Variants in RASEF observed in about 807,000 individuals in gnomAD.
RASEF encodes RAS and EF-hand domain containing.
Under a neutral mutation model 90.1 loss-of-function variants are expected in RASEF, and 68 were observed. That is an observed-to-expected ratio of 0.75 (90% confidence interval 0.62 to 0.92). The LOEUF (loss-of-function observed/expected upper bound fraction) is 0.92. Ranked by LOEUF, RASEF falls within the 40% of genes least tolerant of loss-of-function variation. The pLI, the probability that RASEF is intolerant of heterozygous loss-of-function variation, is 0.00. For synonymous variants in RASEF, 331 were observed against 345.2 expected (o/e 0.96, Z 0.46); for missense variants, 949 against 937.2 (o/e 1.01, Z -0.16).
intron 14 of RASEF, among the ~76,000 whole-genome samples, chr9:82,996,576 T>A (rs777932194): frequency 6.6e-6 from 1 of 152,114 alleles, no homozygotes; most frequent in Non-Finnish European, 1.5e-5. Flanking sequence ...AGAGCTCCCA[T>A]ACAATTTGAA....
At chr9:83,155,552 CG>C in the RASEF span, among the ~76,000 whole-genome samples, 1 of 152,084 alleles carries the variant, frequency 6.6e-6, no homozygotes, top group African/African-American at 2.4e-5. Context: ...TATCTCCCAC[CG>C]GGTCCCTCCC....
chr9:83,057,590 A>G (rs894584089), intron 1 of RASEF, among the ~76,000 whole-genome samples: 3 of 152,112 alleles, frequency 2.0e-5, no homozygotes, highest in Admixed American at 1.3e-4. Flanking sequence ...CAGAAAAGGT[A>G]AAGAAACTTC....
the RASEF span, among the ~76,000 whole-genome samples, chr9:83,136,949 ACTT>A: frequency 6.6e-6 from 1 of 151,896 alleles, no homozygotes; most frequent in Admixed American, 6.6e-5. Flanking sequence ...AATTTTTTTT[ACTT>A]CTTCAAAAAT....
At chr9:83,028,168 A>G (rs1175976649) in intron 1 of RASEF, among the ~76,000 whole-genome samples, 1 of 152,238 alleles carries the variant, frequency 6.6e-6, no homozygotes, top group Non-Finnish European at 1.5e-5. Context: ...TGTTGGGGAT[A>G]GCTAATAATT....
At chr9:83,189,570 G>A in the RASEF span, among the ~76,000 whole-genome samples, 1 of 152,192 alleles carries the variant, frequency 6.6e-6, no homozygotes, top group African/African-American at 2.4e-5. Context: ...TCTTTGAAAA[G>A]CTGTAATCCC....
At chr9:83,123,594 A>G in the RASEF span, among the ~76,000 whole-genome samples, 1 of 132,230 alleles carries the variant, frequency 7.6e-6, no homozygotes, top group Admixed American at 7.1e-5. Context: ...AAGGAGCCCA[A>G]ACCCTCCAAC....
At chr9:82,983,737 G>A (rs542113599) in intron 16 of RASEF, among the ~76,000 whole-genome samples, 28 of 152,302 alleles carry the variant, frequency 1.8e-4, no homozygotes, top group African/African-American at 3.8e-4. Flanking sequence ...TTTATAATGC[G>A]GGGCTGCAGC....
chr9:83,142,814 A>G, the RASEF span, among the ~76,000 whole-genome samples: 3 of 152,240 alleles, frequency 2.0e-5, no homozygotes, highest in Admixed American at 1.3e-4. Flanking sequence ...AAAGGAGTTT[A>G]TCAAGAATCA....
At chr9:83,028,766 G>T (rs952538888) in intron 1 of RASEF, among the ~76,000 whole-genome samples, 1 of 152,178 alleles carries the variant, frequency 6.6e-6, no homozygotes, top group African/African-American at 2.4e-5. Flanking sequence ...ACAACATCAT[G>T]AAGTACCTTT....
At chr9:83,055,386 C>G (rs987966782) in intron 1 of RASEF, 32 of 496,030 alleles carry the variant, frequency 6.5e-5, no homozygotes, top group Non-Finnish European at 9.9e-5. Context: ...TGAGGCAATG[C>G]CTCGCCCTGC....
intron 1 of RASEF, chr9:83,048,562 G>A (rs1438188102): frequency 1.0e-6 from 1 of 984,468 alleles, no homozygotes; most frequent in Non-Finnish European, 1.2e-6. Context: ...AGGAATGAAT[G>A]AGTAAATGAA....
chr9:83,179,017 A>G, the RASEF span, among the ~76,000 whole-genome samples: 1 of 152,258 alleles, frequency 6.6e-6, no homozygotes, highest in Admixed American at 6.5e-5. Flanking sequence ...GTCTACAACT[A>G]TGTTCCCCAA....
intron 1 of RASEF, among the ~76,000 whole-genome samples, chr9:83,041,108 G>A (rs772835119): frequency 3.9e-5 from 6 of 152,148 alleles, no homozygotes; most frequent in Non-Finnish European, 5.9e-5. Context: ...TGATCCACCC[G>A]CCTGGGCCTC....
intron 16 of RASEF, among the ~76,000 whole-genome samples, chr9:82,987,065 T>C (rs1037275520): frequency 2.6e-5 from 4 of 152,234 alleles, no homozygotes; most frequent in African/African-American, 9.6e-5. Context: ...TGACATTATA[T>C]GATCTCACCC....
At chr9:83,089,831 A>T in the RASEF span, among the ~76,000 whole-genome samples, 11 of 152,188 alleles carry the variant, frequency 7.2e-5, no homozygotes, top group East Asian at 1.9e-3. Flanking sequence ...CATTTCGGCC[A>T]CTATTTCTCC....
the RASEF span, among the ~76,000 whole-genome samples, chr9:83,082,310 T>C: frequency 6.6e-6 from 1 of 152,180 alleles, no homozygotes; most frequent in Non-Finnish European, 1.5e-5. Context: ...GACCTATCTA[T>C]CACTCATGGA....
At chr9:83,182,939 C>T in the RASEF span, among the ~76,000 whole-genome samples, 32,831 of 151,838 alleles carry the variant, frequency 0.22, 3,840 homozygotes, top group African/African-American at 0.31. Flanking sequence ...AAAATCATCA[C>T]GCCAAGCGAA....
Position 83,062,756 on chromosome 9 carries a change from T to G in RASEF, c.112A>C (p.Thr38Pro), listed in dbSNP as rs780097994. ...LEREEFRALCTELRVRPADAE... is the reference protein window; with the variant it reads ...LEREEFRALCPELRVRPADAE... ...TCGGCCGGCCGCACCCGCAGCTCCG[T>G]GCACAGTGCCCGGAACTCCTCGCGC... is the stretch of plus-strand genomic sequence containing the variant. Residue 38 changes from threonine (T) to proline (P), a missense_variant, in exon 1 of 17, where the codon ACG (threonine) becomes CCG (proline). Physicochemically the swap from Thr to Pro is conservative, Grantham distance 38. Around this residue, in one of 3 missense-constraint regions of RASEF, gnomAD observed 656 missense variants for 592.2 expected, o/e 1.11. Transcript: ENST00000376447. 1 of 1,567,246 alleles carries G rather than the reference T, an allele frequency of 6.4e-7. No homozygotes were observed. The highest frequency in any genetic ancestry group is 1.2e-5 in the South Asian group (1 of 86,616).
the RASEF span, among the ~76,000 whole-genome samples, chr9:83,116,990 C>A: frequency 5.9e-5 from 9 of 152,054 alleles, no homozygotes; most frequent in African/African-American, 1.9e-4. Flanking sequence ...CTAGGGTATC[C>A]CAAGCTACTC....
Sources: gnomAD v4.1 joint callset for allele counts (sites outside exome capture counted in the v4.1 genomes callset) on GRCh38, gnomAD v4.1.1 for gene constraint, gnomAD v4.1.1 regional missense constraint, MANE v1.5 for transcripts, NCBI Gene and HGNC (gene_info 2026-07-23, HGNC 2026-07-21) for gene names.